The following RBFOX1 variants were observed in gnomAD, a reference collection of about 807,000 sequenced individuals.
RBFOX1 encodes the protein RNA binding fox-1 homolog 1.
In RBFOX1, 8 loss-of-function variants were observed where a neutral mutation model predicts 57.7. The ratio of observed to expected loss-of-function variants is 0.14; its 90% CI spans 0.08 to 0.25. RBFOX1 has a LOEUF of 0.25. Ranked by LOEUF, RBFOX1 falls within the 10% of genes least tolerant of loss-of-function variation. RBFOX1 has a pLI of 1.00. For synonymous variants in RBFOX1, 326 were observed against 222.4 expected (o/e 1.47, Z -4.15); for missense variants, 611 against 548.5 (o/e 1.11, Z -1.14).
chr16:7,261,779 C>G (rs574505988), intron 4 of RBFOX1, among the ~76,000 whole-genome samples: 1 of 152,138 alleles, frequency 6.6e-6, no homozygotes. Context: ...TCACGAGAGC[C>G]TGACACTAAG....
intron 4 of RBFOX1, among the ~76,000 whole-genome samples, chr16:7,062,594 A>G (rs1418941832): frequency 1.3e-5 from 2 of 152,138 alleles, no homozygotes; most frequent in Non-Finnish European, 2.9e-5. Flanking sequence ...TGGAGAGAGG[A>G]TAAATCACAA....
At chr16:7,358,165 C>G (rs1203278639) in intron 4 of RBFOX1, among the ~76,000 whole-genome samples, 2 of 152,180 alleles carry the variant, frequency 1.3e-5, no homozygotes, top group Non-Finnish European at 2.9e-5. Flanking sequence ...TATCTGTTAT[C>G]ATCCTATTGG....
chr16:6,660,080 C>T (rs1175196076), intron 3 of RBFOX1, among the ~76,000 whole-genome samples: 1 of 151,982 alleles, frequency 6.6e-6, no homozygotes, highest in Non-Finnish European at 1.5e-5. Flanking sequence ...CAAAAATTTC[C>T]TGGGTGTGGT....
intron 4 of RBFOX1, among the ~76,000 whole-genome samples, chr16:7,359,928 G>T (rs891698149): frequency 6.6e-6 from 1 of 151,512 alleles, no homozygotes; most frequent in Non-Finnish European, 1.5e-5. Flanking sequence ...AGCTTGCAGT[G>T]AGCCGAGATC....
intron 3 of RBFOX1, among the ~76,000 whole-genome samples, chr16:6,698,451 T>A (rs1011691951): frequency 2.0e-5 from 3 of 152,200 alleles, no homozygotes; most frequent in African/African-American, 7.2e-5. Context: ...GTGGCCGCCA[T>A]AACGCAAATC....
At chr16:7,596,878 G>T (rs1362572853) in intron 8 of RBFOX1, among the ~76,000 whole-genome samples, 1 of 152,176 alleles carries the variant, frequency 6.6e-6, no homozygotes. Context: ...TTGAATGCTA[G>T]ATGTTGCTTT....
At chr16:6,708,427 G>C (rs1424275706) in intron 3 of RBFOX1, among the ~76,000 whole-genome samples, 1 of 152,046 alleles carries the variant, frequency 6.6e-6, no homozygotes, top group East Asian at 1.9e-4. Flanking sequence ...ATAGGATTTT[G>C]TACCTGTCAT....
chr16:6,404,925 C>T (rs1478495100), intron 2 of RBFOX1, among the ~76,000 whole-genome samples: 2 of 152,180 alleles, frequency 1.3e-5, no homozygotes, highest in Admixed American at 1.3e-4. Flanking sequence ...GAATGGAATT[C>T]AGCATTGGTA....
intron 4 of RBFOX1, among the ~76,000 whole-genome samples, chr16:7,359,931 C>T: frequency 6.6e-6 from 1 of 151,756 alleles, no homozygotes; most frequent in East Asian, 2.0e-4. Context: ...TTGCAGTGAG[C>T]CGAGATCGCG....
intron 3 of RBFOX1, among the ~76,000 whole-genome samples, chr16:6,745,054 A>C (rs924391652): frequency 6.6e-6 from 1 of 152,090 alleles, no homozygotes; most frequent in African/African-American, 2.4e-5. Flanking sequence ...ATTATGAACA[A>C]CCTTATTTTA....
intron 4 of RBFOX1, among the ~76,000 whole-genome samples, chr16:5,990,452 C>T (rs911163129): frequency 6.6e-6 from 1 of 152,240 alleles, no homozygotes; most frequent in East Asian, 1.9e-4. Flanking sequence ...GGATCCCCAG[C>T]CTCTATACTT....
chr16:6,578,726 T>A (rs949785355), intron 2 of RBFOX1, among the ~76,000 whole-genome samples: 8 of 152,028 alleles, frequency 5.3e-5, no homozygotes, highest in African/African-American at 1.9e-4. Context: ...TTCCATTTAT[T>A]TCAAGTCAGT....
At chr16:5,993,182 A>G (rs2060431206) in intron 4 of RBFOX1, among the ~76,000 whole-genome samples, 1 of 152,202 alleles carries the variant, frequency 6.6e-6, no homozygotes, top group African/African-American at 2.4e-5. Flanking sequence ...CACATGATAA[A>G]TAAGTAGCAA....
At chr16:6,282,524 C>T (rs1192216369) in intron 1 of RBFOX1, among the ~76,000 whole-genome samples, 1 of 152,010 alleles carries the variant, frequency 6.6e-6, no homozygotes, top group Non-Finnish European at 1.5e-5. Flanking sequence ...TGTCCTAATG[C>T]TCTCCCGCCC....
At chr16:6,023,944 AG>A (rs905105178) in intron 1 of RBFOX1, among the ~76,000 whole-genome samples, 4 of 152,210 alleles carry the variant, frequency 2.6e-5, no homozygotes, top group African/African-American at 9.6e-5. Flanking sequence ...CTTCAAAACA[AG>A]GGGATCTAGC....
At chr16:7,403,415 C>T (rs776593640) in intron 4 of RBFOX1, among the ~76,000 whole-genome samples, 53 of 152,338 alleles carry the variant, frequency 3.5e-4, no homozygotes, top group Non-Finnish European at 5.9e-5. Context: ...GGCAACCACT[C>T]TTCTCCTGTC....
chr16:6,512,051 C>A (rs969001136), intron 2 of RBFOX1, among the ~76,000 whole-genome samples: 2 of 151,664 alleles, frequency 1.3e-5, no homozygotes, highest in African/African-American at 4.8e-5. Context: ...CAGGAGGATC[C>A]CTTGAGCCCA....
intron 3 of RBFOX1, among the ~76,000 whole-genome samples, chr16:6,726,835 A>T (rs1318008834): frequency 1.3e-5 from 2 of 152,058 alleles, no homozygotes; most frequent in African/African-American, 2.4e-5. Context: ...AGGAACACCA[A>T]GTTCTCTCTG....
At chr16:5,846,207 G>A (rs1454692973) in intron 3 of RBFOX1, among the ~76,000 whole-genome samples, 1 of 151,550 alleles carries the variant, frequency 6.6e-6, no homozygotes, top group Non-Finnish European at 1.5e-5. Context: ...AGAATTTAGT[G>A]AATTTAGTAA....
Sources: allele counts gnomAD v4.1 joint callset (sites outside exome capture counted in the v4.1 genomes callset), GRCh38; gene constraint gnomAD v4.1.1; transcripts MANE v1.5; gene names NCBI Gene and HGNC (gene_info 2026-07-23, HGNC 2026-07-21).